Variants in CSMD2 observed in about 807,000 individuals in gnomAD.
The protein encoded by CSMD2 is CUB and Sushi multiple domains 2, also known as CUB and sushi domain-containing protein 2.
Under a neutral mutation model 398.5 loss-of-function variants are expected in CSMD2, and 130 were observed. The ratio of observed to expected loss-of-function variants is 0.33; its 90% CI spans 0.28 to 0.38. The LOEUF (loss-of-function observed/expected upper bound fraction) is 0.38. Among genes scored for constraint, CSMD2 ranks in the 10% least tolerant of loss-of-function variants. CSMD2 has a pLI of 1.00. For missense variants in CSMD2, 3,829 were observed against 4,764.9 expected, an observed-to-expected ratio of 0.80 and a Z score of 5.78; for synonymous variants, 1,828 against 1,908.5, an observed-to-expected ratio of 0.96 and a Z score of 1.10.
Position 33,572,662 on chromosome 1 carries a change from TGGG to T in CSMD2, c.7603_7605del (p.Pro2535del). 1 of 1,612,814 alleles carries T rather than the reference TGGG, an allele frequency of 6.2e-7. No homozygotes were observed. The highest frequency in any genetic ancestry group is 8.5e-7 in the Non-Finnish European group (1 of 1,179,102). ...TCCTTGCCAAACACCATTCCATTCT[TGGG>T]GGCCTCAGGAAGCCCACAGGAAAGA... On this transcript the variant is annotated inframe_deletion, in exon 50 of 71. Transcript: ENST00000373381.
At chr1:33,825,406 TAA>T (rs1408615578) in intron 7 of CSMD2, among the ~76,000 whole-genome samples, 1 of 151,710 alleles carries the variant, frequency 6.6e-6, no homozygotes, top group Admixed American at 6.6e-5. Context: ...AAAAGGAAAA[TAA>T]AGAGAGAAAT....
intron 1 of CSMD2, among the ~76,000 whole-genome samples, chr1:34,157,688 C>T: frequency 6.6e-6 from 1 of 151,258 alleles, no homozygotes; most frequent in Admixed American, 6.6e-5. Flanking sequence ...TCACATCTCA[C>T]TCAATCCTAT....
chr1:33,864,215 G>T (rs763838936), intron 5 of CSMD2: 1 of 1,608,150 alleles, frequency 6.2e-7, no homozygotes, highest in South Asian at 1.1e-5. Flanking sequence ...TCCAGCTAAA[G>T]CCTAAGGCAA....
intron 4 of CSMD2, among the ~76,000 whole-genome samples, chr1:33,922,723 C>A (rs538747286): frequency 6.6e-6 from 1 of 152,188 alleles, no homozygotes; most frequent in Non-Finnish European, 1.5e-5. Flanking sequence ...TCAACTCCTC[C>A]CACACCCCCA....
At chr1:33,865,639 G>T (rs1214352146) in intron 5 of CSMD2, among the ~76,000 whole-genome samples, 3 of 152,118 alleles carry the variant, frequency 2.0e-5, no homozygotes, top group African/African-American at 7.2e-5. Context: ...AAGGAGTCCT[G>T]GGGGACACCG....
chr1:33,869,545 G>A (rs1400918878), intron 5 of CSMD2, among the ~76,000 whole-genome samples: 3 of 152,182 alleles, frequency 2.0e-5, no homozygotes, highest in Admixed American at 1.3e-4. Context: ...ATCACCTGCA[G>A]GGCTTATTAA....
intron 5 of CSMD2, chr1:33,863,508 T>C (rs534874730): frequency 6.6e-6 from 1 of 152,370 alleles, no homozygotes; most frequent in Admixed American, 6.5e-5. Flanking sequence ...TTCCAACTCA[T>C]AGCCCAAGTG....
At chr1:33,614,433 G>T in intron 40 of CSMD2, 71 bp downstream of exon 40, 2 of 842,370 alleles carry the variant, frequency 2.4e-6, no homozygotes, top group Non-Finnish European at 4.1e-6. Context: ...AAGAGATTTT[G>T]GCGGACAGTA....
intron 9 of CSMD2, among the ~76,000 whole-genome samples, chr1:33,812,508 AAC>A (rs1258380178): frequency 1.3e-5 from 2 of 152,236 alleles, no homozygotes; most frequent in African/African-American, 4.8e-5. Flanking sequence ...TGTACTGAGA[AAC>A]ACTTAGATTC....
At chr1:33,544,860 T>C (rs1445593496) in intron 57 of CSMD2, among the ~76,000 whole-genome samples, 1 of 142,810 alleles carries the variant, frequency 7.0e-6, no homozygotes, top group Non-Finnish European at 1.5e-5. Context: ...TATATACACA[T>C]ATAATCTCTG....
chr1:34,112,551 CCTT>C (rs1178218811), intron 1 of CSMD2, among the ~76,000 whole-genome samples: 1 of 152,202 alleles, frequency 6.6e-6, no homozygotes, highest in Admixed American at 6.5e-5. Flanking sequence ...CCAATACTAG[CCTT>C]CTTCTCCTGT....
At chr1:33,528,965 C>G (rs535219588) in intron 64 of CSMD2, among the ~76,000 whole-genome samples, 3 of 152,160 alleles carry the variant, frequency 2.0e-5, no homozygotes, top group Admixed American at 6.5e-5. Context: ...CCAAATTGAT[C>G]TACAGGTTCA....
At chr1:33,682,208 G>A (rs1244250465) in intron 25 of CSMD2, among the ~76,000 whole-genome samples, 7 of 152,228 alleles carry the variant, frequency 4.6e-5, no homozygotes, top group African/African-American at 7.2e-5. Flanking sequence ...TCTCCTCTAC[G>A]TGTATAAAAT....
chr1:33,881,062 G>A (rs867323203), intron 5 of CSMD2, among the ~76,000 whole-genome samples: 1 of 152,290 alleles, frequency 6.6e-6, no homozygotes, highest in African/African-American at 2.4e-5. Context: ...TAATGACCTC[G>A]CTGGTAGGGA....
chr1:33,991,012 G>GT (rs201996761), intron 3 of CSMD2, among the ~76,000 whole-genome samples: 18,789 of 142,772 alleles, frequency 0.13, 1,988 homozygotes, highest in East Asian at 0.42. Flanking sequence ...GGTGTTTTGG[G>GT]TTTTTTTTTT....
At chr1:34,030,469 G>A (rs771531971) in intron 3 of CSMD2, among the ~76,000 whole-genome samples, 1 of 152,164 alleles carries the variant, frequency 6.6e-6, no homozygotes, top group Non-Finnish European at 1.5e-5. Context: ...GCTAGATTTG[G>A]CCAGGGGGAT....
At chr1:33,801,343 T>A (rs1655583115) in intron 10 of CSMD2, among the ~76,000 whole-genome samples, 1 of 152,098 alleles carries the variant, frequency 6.6e-6, no homozygotes, top group African/African-American at 2.4e-5. Flanking sequence ...GAAAGACAGA[T>A]GTGTGTAGGT....
intron 53 of CSMD2, among the ~76,000 whole-genome samples, chr1:33,562,807 A>C (rs1194584169): frequency 1.3e-5 from 2 of 152,186 alleles, no homozygotes; most frequent in Admixed American, 1.3e-4. Context: ...GCAGCCTGCT[A>C]TCCCTGGAAG....
chr1:33,896,234 G>C (rs1045155143), intron 5 of CSMD2, among the ~76,000 whole-genome samples: 1 of 152,100 alleles, frequency 6.6e-6, no homozygotes, highest in Non-Finnish European at 1.5e-5. Context: ...AGAGGGGGTA[G>C]GAGGGTAAGG....
Sources: gnomAD v4.1 joint callset for allele counts (sites outside exome capture counted in the v4.1 genomes callset) on GRCh38, gnomAD v4.1.1 for gene constraint, MANE v1.5 for transcripts, NCBI Gene and HGNC (gene_info 2026-07-23, HGNC 2026-07-21) for gene names.